CAST: variants seen among roughly 807,000 people sequenced by gnomAD.
CAST encodes MIR583 host.
A neutral mutation model predicts 119.6 loss-of-function variants in CAST; 76 were observed. The ratio of observed to expected loss-of-function variants is 0.64; its 90% CI spans 0.53 to 0.77. The LOEUF (loss-of-function observed/expected upper bound fraction) is 0.77, where lower values mean the gene tolerates loss of function less well. Among genes scored for constraint, CAST ranks in the 30% least tolerant of loss-of-function variants. The pLI, the probability that CAST is intolerant of heterozygous loss-of-function variation, is 0.00. For synonymous variants in CAST, 319 were observed against 331.6 expected (o/e 0.96, Z 0.41); for missense variants, 953 against 946.5 (o/e 1.01, Z -0.09).
At chr5:96,164,589 C>G in the CAST span, among the ~76,000 whole-genome samples, 1 of 152,180 alleles carries the variant, frequency 6.6e-6, no homozygotes, top group African/African-American at 2.4e-5. Flanking sequence ...TGAATACCCA[C>G]TCTGTGCCAG....
At chr5:96,653,359 T>C (rs971922612) in intron 1 of CAST, among the ~76,000 whole-genome samples, 8 of 152,250 alleles carry the variant, frequency 5.3e-5, no homozygotes, top group African/African-American at 1.7e-4. Context: ...TAGAGAGTTC[T>C]GGGAGACCTA....
intron 1 of CAST, among the ~76,000 whole-genome samples, chr5:96,582,900 T>A (rs1176041026): frequency 3.3e-5 from 5 of 152,200 alleles, no homozygotes; most frequent in African/African-American, 1.2e-4. Flanking sequence ...TAAGTTTGTA[T>A]AGAAAATACT....
At chr5:96,209,912 C>T in the CAST span, among the ~76,000 whole-genome samples, 2 of 151,554 alleles carry the variant, frequency 1.3e-5, no homozygotes, top group African/African-American at 2.4e-5. Flanking sequence ...GGATGATATA[C>T]TCAAATATGT....
chr5:96,385,938 A>C, the CAST span, among the ~76,000 whole-genome samples: 6 of 152,354 alleles, frequency 3.9e-5, no homozygotes, highest in South Asian at 1.2e-3. Flanking sequence ...AATTACTGCC[A>C]GGTTAAAATC....
chr5:96,729,137 C>T lies in CAST; in HGVS notation c.379-16C>T. Reference sequence around the variant, plus strand: ...GGATTCCAGTGTAATCAAGTTTAATCTTTTGAAATTGACAGCTGTCTGTGG... The same window carrying T: ...GGATTCCAGTGTAATCAAGTTTAATTTTTTGAAATTGACAGCTGTCTGTGG... On this transcript the variant is annotated splice_polypyrimidine_tract_variant and intron_variant, in intron 6 of 31. Transcript: ENST00000675179. 2 of 1,530,482 alleles carry T rather than the reference C, an allele frequency of 1.3e-6. No homozygotes were observed. Among genetic ancestry groups the T allele is most frequent in the South Asian group, 2.3e-5 (2 of 87,094 alleles). 94.8% of individuals were successfully genotyped at this position (1,530,482 alleles called of 1,614,324 possible).
chr5:96,030,816 A>T, the CAST span, among the ~76,000 whole-genome samples: 2 of 152,172 alleles, frequency 1.3e-5, no homozygotes, highest in African/African-American at 4.8e-5. Flanking sequence ...GAGGCCCAAA[A>T]GGAGGATTAC....
At chr5:96,618,893 C>T (rs1747530211) in intron 1 of CAST, among the ~76,000 whole-genome samples, 1 of 152,246 alleles carries the variant, frequency 6.6e-6, no homozygotes, top group Admixed American at 6.5e-5. Context: ...AGCCCCGGCA[C>T]AGGATCCACT....
intron 2 of CAST, among the ~76,000 whole-genome samples, chr5:96,690,127 A>C (rs1752556859): frequency 6.6e-6 from 1 of 152,220 alleles, no homozygotes; most frequent in South Asian, 2.1e-4. Flanking sequence ...AGTAATCAGA[A>C]AAAAGAACAA....
intron 1 of CAST, among the ~76,000 whole-genome samples, chr5:96,535,386 T>TAA (rs35159742): frequency 0.012 from 1,807 of 151,894 alleles, 31 homozygotes; most frequent in African/African-American, 0.042. Flanking sequence ...AGATAAAATG[T>TAA]AAAAAATCAG....
chr5:96,560,231 T>A (rs552468626), intron 1 of CAST, among the ~76,000 whole-genome samples: 10 of 152,158 alleles, frequency 6.6e-5, no homozygotes, highest in African/African-American at 2.2e-4. Flanking sequence ...ACTTAAATGT[T>A]AGACCTAAAA....
chr5:96,189,684 T>G, the CAST span, among the ~76,000 whole-genome samples: 1 of 152,212 alleles, frequency 6.6e-6, no homozygotes, highest in Non-Finnish European at 1.5e-5. Context: ...TTCATCTTTT[T>G]GTGTTTCCTT....
At chr5:96,564,961 G>A (rs1746441317) in intron 1 of CAST, among the ~76,000 whole-genome samples, 1 of 152,084 alleles carries the variant, frequency 6.6e-6, no homozygotes, top group Non-Finnish European at 1.5e-5. Flanking sequence ...CAGGCAGAGT[G>A]GAGTCAGTAA....
the CAST span, chr5:96,399,034 G>T: frequency 3.1e-6 from 5 of 1,605,730 alleles, no homozygotes; most frequent in Admixed American, 5.0e-5. Context: ...AGCTTTCAGG[G>T]CTCTAAATAC....
the CAST span, among the ~76,000 whole-genome samples, chr5:96,485,577 C>A: frequency 6.6e-6 from 1 of 152,072 alleles, no homozygotes; most frequent in Non-Finnish European, 1.5e-5. Context: ...AGAAGAGACA[C>A]CCAAATATGA....
At chr5:96,681,549 C>T (rs1302851986) in intron 2 of CAST, among the ~76,000 whole-genome samples, 2 of 151,374 alleles carry the variant, frequency 1.3e-5, no homozygotes, top group African/African-American at 2.4e-5. Flanking sequence ...CCGGCTAAAA[C>T]GGTGAAACCC....
the CAST span, among the ~76,000 whole-genome samples, chr5:96,059,035 C>G: frequency 7.2e-5 from 11 of 152,118 alleles, no homozygotes; most frequent in African/African-American, 2.7e-4. Context: ...AGGTACCCAG[C>G]TCTCCCTAAA....
chr5:96,190,908 G>A, the CAST span, among the ~76,000 whole-genome samples: 1 of 152,080 alleles, frequency 6.6e-6, no homozygotes, highest in African/African-American at 2.4e-5. Flanking sequence ...AGTCCCCAGT[G>A]TCTATTGTTG....
the CAST span, among the ~76,000 whole-genome samples, chr5:95,984,794 A>C: frequency 6.6e-6 from 1 of 152,198 alleles, no homozygotes; most frequent in South Asian, 2.1e-4. Context: ...GCTAGTTTGA[A>C]TCAAGATGTC....
At chr5:96,591,505 G>A (rs74931821) in intron 1 of CAST, among the ~76,000 whole-genome samples, 3,595 of 152,168 alleles carry the variant, frequency 0.024, 149 homozygotes, top group African/African-American at 0.074. Flanking sequence ...TTGTCATCTG[G>A]TCTGAGTTAG....
Sources: gnomAD v4.1 joint callset for allele counts (sites outside exome capture counted in the v4.1 genomes callset) on GRCh38, gnomAD v4.1.1 for gene constraint, MANE v1.5 for transcripts, NCBI Gene and HGNC (gene_info 2026-07-23, HGNC 2026-07-21) for gene names.